Variants in TKTL1 observed in about 807,000 individuals in gnomAD.
TKTL1 encodes transketolase like 1, also known as transketolase-like protein 1.
TKTL1 carries 1 observed loss-of-function variant against 39.3 expected under a neutral mutation model. The ratio of observed to expected loss-of-function variants is 0.03; its 90% CI spans 0.01 to 0.12. The LOEUF (loss-of-function observed/expected upper bound fraction) is 0.12, where lower values mean the gene tolerates loss of function less well. TKTL1 is among the 10% of genes least tolerant of loss of function. The pLI is 1.00. For missense variants in TKTL1, 575 were observed against 509.6 expected (o/e 1.13, Z -1.24); for synonymous variants, 262 against 193.8 (o/e 1.35, Z -2.92).
In TKTL1 at chrX:154,295,960, A is replaced by T. The variant is rs782259760; in HGVS notation, c.101A>T (p.His34Leu). The change falls in exon 1 of 13, where the codon CAT (histidine) becomes CTT (leucine). Residue 34 changes from histidine to leucine, a missense_variant. Transcript: ENST00000369915. ...GATATGGCCAGCCGCTTGCGAATCC[A>T]TTCCATCAGGGCCACATGCTCCACG... is the stretch of plus-strand genomic sequence containing the variant. ...LQDMASRLRI[H>L]SIRATCSTSS... 9 of 1,211,770 alleles carry T rather than the reference A, an allele frequency of 7.4e-6. No homozygotes were observed. Among genetic ancestry groups the T allele is most frequent in the East Asian group, 3.0e-5 (1 of 33,828 alleles).
rs782244565 is a variant in TKTL1 at position 154,311,165 on chromosome X, C to G, written c.597C>G (p.Phe199Leu). The G allele has an allele frequency of 8.3e-7, 1 of 1,212,060 alleles. No individual in the cohort carries two copies. Among genetic ancestry groups the G allele is most frequent in the Non-Finnish European group, 1.1e-6 (1 of 895,579 alleles). ...GRDVEALCQV[F>L]WQASQVKHKP... ...ACGTGGAGGCACTGTGCCAGGTATTCTGGCAGGCTTCTCAGGTGAAGCACA... is the reference window on the plus strand; with the variant it reads ...ACGTGGAGGCACTGTGCCAGGTATTGTGGCAGGCTTCTCAGGTGAAGCACA... Residue 199 changes from phenylalanine to leucine, a missense_variant, in exon 5 of 13, where the codon TTC becomes TTG. Physicochemically the swap from Phe to Leu is conservative, Grantham distance 22. Coordinates refer to ENST00000369915, the MANE Select transcript of TKTL1 (RefSeq NM_012253.4).
At chrX:154,327,191 G>A (rs781831424) in intron 10 of TKTL1, 9 of 283,771 alleles carry the variant, frequency 3.2e-5, no homozygotes, top group Non-Finnish European at 6.0e-5. Flanking sequence ...CTCAGCTGCA[G>A]AACGGTTGTG....
At chrX:154,305,660 C>T (rs782687637) in intron 2 of TKTL1, among the ~76,000 whole-genome samples, 15 of 111,005 alleles carry the variant, frequency 1.4e-4, no homozygotes, top group Admixed American at 5.7e-4. Context: ...CACCCTGCCT[C>T]GCCCCACTTA....
At chrX:154,325,754 C>CG (rs2067489405) in intron 10 of TKTL1, among the ~76,000 whole-genome samples, 1 of 112,200 alleles carries the variant, frequency 8.9e-6, no homozygotes, top group Non-Finnish European at 1.9e-5. Flanking sequence ...GAGGCCAAGG[C>CG]GGGAAGATTG....
At chrX:154,322,571 T>A (rs1365291264) in intron 8 of TKTL1, among the ~76,000 whole-genome samples, 1 of 111,290 alleles carries the variant, frequency 9.0e-6, no homozygotes, top group African/African-American at 3.3e-5. Context: ...AGAGCTGGGC[T>A]GTTGAGGTTA....
At chrX:154,305,679 G>A in intron 2 of TKTL1, among the ~76,000 whole-genome samples, 1 of 110,706 alleles carries the variant, frequency 9.0e-6, no homozygotes, top group Non-Finnish European at 1.9e-5. Context: ...TAGCACGAAC[G>A]CTTCCCCCAT....
rs782597025 is a variant in TKTL1 at position 154,312,688 on chromosome X, C to G, written c.779C>G (p.Pro260Arg). Residue 260 changes from proline (P) to arginine (R), a missense_variant, in exon 6 of 13, where the codon CCA (proline) becomes CGA (arginine). Transcript: ENST00000369915. ...ATACAGACCAGCAGGAATCTTGACC[C>G]ACAGCCCCCCATTGAGGACTCACCT... ...SQIQTSRNLD[P>R]QPPIEDSPEV... 10 of 1,211,442 alleles carry G rather than the reference C, an allele frequency of 8.3e-6. No individual in the cohort carries two copies. Among genetic ancestry groups the G allele is most frequent in the Non-Finnish European group, 1.1e-5 (10 of 895,308 alleles).
At chrX:154,321,014 A>G (rs1398359695) in intron 8 of TKTL1, 101 bp downstream of exon 8, 1 of 963,685 alleles carries the variant, frequency 1.0e-6, no homozygotes, top group African/African-American at 1.9e-5. Flanking sequence ...GGTTCCATGA[A>G]GTTTGATTAT....
chrX:154,308,239 T>TTGG (rs1388132584), intron 2 of TKTL1, among the ~76,000 whole-genome samples: 18 of 111,567 alleles, frequency 1.6e-4, no homozygotes, highest in African/African-American at 5.5e-4. Context: ...GAGCAGGGAT[T>TTGG]TGGAAGAGGC....
At chrX:154,316,757 G>GT (rs66751488) in intron 7 of TKTL1, among the ~76,000 whole-genome samples, 21,599 of 100,675 alleles carry the variant, frequency 0.21, 2,150 homozygotes, top group South Asian at 0.54. Context: ...GTGGTTTTTG[G>GT]TTTTTTTTTG....
chrX:154,318,425 T>C lies in TKTL1; in HGVS notation c.1030-2332T>C, dbSNP rs182045487. Among the ~76,000 whole-genome samples the C allele has an allele frequency of 2.7e-3, 292 of 107,378 alleles. 1 individual carries two copies. Among genetic ancestry groups the C allele is most frequent in the African/African-American group, 4.2e-3 (123 of 29,340 alleles). 93.2% of individuals were successfully genotyped at this position (107,378 alleles called of 115,157 possible). On this transcript the variant is annotated intron_variant, in intron 7 of 12. Transcript: ENST00000369915. ...TTCAAGAGTTCGAGACCAGGCCGGGTGCGGTGGCTCACGCCTGTAATCCCA... is the reference window on the plus strand; with the variant it reads ...TTCAAGAGTTCGAGACCAGGCCGGGCGCGGTGGCTCACGCCTGTAATCCCA...
intron 5 of TKTL1, 59 bp from the exon 6 acceptor site, chrX:154,312,521 C>T (rs2067365926): frequency 3.6e-6 from 4 of 1,119,268 alleles, no homozygotes; most frequent in East Asian, 6.1e-5. Context: ...TTTCAGGTGA[C>T]CTCATAGGCA....
intron 1 of TKTL1, among the ~76,000 whole-genome samples, chrX:154,300,680 T>C (rs1216714341): frequency 9.0e-6 from 1 of 110,645 alleles, no homozygotes; most frequent in East Asian, 2.8e-4. Flanking sequence ...GATGAGTCTT[T>C]AGGATTTTGT....
At chrX:154,304,921 A>G (rs1557166828) in intron 1 of TKTL1, 2 of 816,024 alleles carry the variant, frequency 2.5e-6, no homozygotes, top group Admixed American at 3.2e-5. Context: ...TTCCTAAAAG[A>G]AATTCATTGT....
intron 6 of TKTL1, 106 bp from the exon 7 acceptor site, chrX:154,315,067 G>C: frequency 1.1e-6 from 1 of 902,266 alleles, no homozygotes; most frequent in Non-Finnish European, 1.5e-6. Context: ...CTTTCTTCAA[G>C]ATAGATGATA....
intron 9 of TKTL1, among the ~76,000 whole-genome samples, chrX:154,324,416 AGG>A (rs1480726732): frequency 1.8e-5 from 2 of 112,900 alleles, no homozygotes; most frequent in Admixed American, 1.9e-4. Flanking sequence ...CAGGGATTAT[AGG>A]CATGAGCCAC....
chrX:154,310,937 C>T lies in TKTL1; in HGVS notation c.452C>T (p.Ala151Val), dbSNP rs782358374. The T allele has an allele frequency of 1.4e-5, 17 of 1,210,534 alleles. No homozygotes were observed. The East Asian group carries it at 3.3e-4, about 23-fold the overall frequency. ...TACTACAGTCTGGACAATCTTGTGGCAATCTTTGATGTGAACCGCCTGGGA... is the reference window on the plus strand; with the variant it reads ...TACTACAGTCTGGACAATCTTGTGGTAATCTTTGATGTGAACCGCCTGGGA... ...ASYYSLDNLV[A>V]IFDVNRLGHS... The change falls in exon 4 of 13, where the codon GCA (alanine) becomes GTA (valine). Residue 151 changes from alanine to valine, a missense_variant. Ala to Val is a moderately conservative substitution (Grantham distance 64). Transcript: ENST00000369915.
rs1557169136 is a variant in TKTL1 at position 154,315,268 on chromosome X, T to G, written c.960T>G (p.Thr320=). ...TGGATGGTGACACCAGGTACTCTAC[T>G]TTCTCTGAGATATTCAACAAGGAGT... is the stretch of plus-strand genomic sequence containing the variant. ...VVLDGDTRYS[T]FSEIFNKEYP... The change falls in exon 7 of 13, where the codon ACT becomes ACG. Residue 320 remains threonine, a synonymous_variant. Coordinates refer to ENST00000369915, the MANE Select transcript of TKTL1 (RefSeq NM_012253.4). 2 of 1,211,191 alleles carry G rather than the reference T, an allele frequency of 1.7e-6. No individual in the cohort carries two copies. Among genetic ancestry groups the G allele is most frequent in the Non-Finnish European group, 1.1e-6 (1 of 895,195 alleles).
chrX:154,306,863 C>T (rs782117756), intron 2 of TKTL1, among the ~76,000 whole-genome samples: 35 of 110,856 alleles, frequency 3.2e-4, no homozygotes, highest in Non-Finnish European at 5.1e-4. Flanking sequence ...CCTCAAACTC[C>T]TGGGCCCAAG....
Sources: gnomAD v4.1 joint callset for allele counts (sites outside exome capture counted in the v4.1 genomes callset) on GRCh38, gnomAD v4.1.1 for gene constraint, MANE v1.5 for transcripts, NCBI Gene and HGNC (gene_info 2026-07-23, HGNC 2026-07-21) for gene names.